The following TMC2 variants were observed in gnomAD, a reference collection of about 807,000 sequenced individuals.
The protein encoded by TMC2 is transmembrane channel-like protein 2.
A neutral mutation model predicts 105.9 loss-of-function variants in TMC2; 102 were observed. That is an observed-to-expected ratio of 0.96 (90% CI 0.82 to 1.14). The LOEUF (loss-of-function observed/expected upper bound fraction) is 1.14, where lower values mean the gene tolerates loss of function less well. Ranked by LOEUF, TMC2 falls within the 50% of genes most tolerant of loss-of-function variation. TMC2 has a pLI of 0.00. For missense variants in TMC2, 1,093 were observed against 1,134.3 expected, an observed-to-expected ratio of 0.96 and a Z score of 0.52; for synonymous variants, 402 against 422.8, an observed-to-expected ratio of 0.95 and a Z score of 0.60.
Position 2,617,133 on chromosome 20 carries a change from AT to A in TMC2, c.2003del (p.Met668SerfsTer8). On this transcript the variant is annotated frameshift_variant, in exon 16 of 20. Coordinates refer to ENST00000358864, the MANE Select transcript of TMC2 (RefSeq NM_080751.3). LOFTEE classifies it high-confidence loss of function. ...GINVLRLLTS[M>X]YFQCWAVMSS... ...TAATGTGCTGCGCCTGCTGACCTCC[AT>A]GTACTTCCAGTGCTGGGCGGTGATG... 6.2e-7 allele frequency: 1 copy of A among 1,614,082 alleles called. No homozygotes were observed. The highest frequency in any genetic ancestry group is 1.6e-4 in the Middle Eastern group (1 of 6,062).
intron 2 of TMC2, among the ~76,000 whole-genome samples, chr20:2,552,423 A>C (rs1322082407): frequency 6.6e-6 from 1 of 152,198 alleles, no homozygotes; most frequent in Non-Finnish European, 1.5e-5. Flanking sequence ...TCATTTATTT[A>C]AGTCTTTGAG....
intron 10 of TMC2, among the ~76,000 whole-genome samples, chr20:2,599,606 AT>A (rs1489031993): frequency 3.9e-5 from 5 of 129,842 alleles, no homozygotes; most frequent in Non-Finnish European, 6.3e-5. Context: ...GCCCAGTTAA[AT>A]TTTTCTATTT....
intron 2 of TMC2, among the ~76,000 whole-genome samples, chr20:2,543,903 G>GATT (rs3051735): frequency 0.013 from 1,824 of 144,186 alleles, 66 homozygotes; most frequent in African/African-American, 0.034. Context: ...CTGCATGTCA[G>GATT]TTTTTTTTTT....
At chr20:2,542,026 A>T (rs6106931) in intron 2 of TMC2, among the ~76,000 whole-genome samples, 82,849 of 151,916 alleles carry the variant, frequency 0.55, 22,685 homozygotes, top group South Asian at 0.58. Context: ...TGATTAAAAA[A>T]TTTTCTTATT....
At chr20:2,585,172 G>A (rs1382336486) in intron 7 of TMC2, among the ~76,000 whole-genome samples, 3 of 152,038 alleles carry the variant, frequency 2.0e-5, no homozygotes, top group African/African-American at 4.8e-5. Context: ...TGCTGAAATG[G>A]AATTGAAAAT....
At chr20:2,543,362 G>T (rs2122796619) in intron 2 of TMC2, among the ~76,000 whole-genome samples, 1 of 152,338 alleles carries the variant, frequency 6.6e-6, no homozygotes, top group Admixed American at 6.5e-5. Context: ...CAAAGCTTTG[G>T]CAGTATCTTA....
chr20:2,617,150 G>A lies in TMC2; in HGVS notation c.2019G>A (p.Trp673Ter), dbSNP rs760535510. ...TGACCTCCATGTACTTCCAGTGCTG[G>A]GCGGTGATGAGCAGCAACGTACCCC... is the stretch of plus-strand genomic sequence containing the variant. The part of the protein sequence containing the change: ...RLLTSMYFQC[W>*]AVMSSNVPHE... Residue 673 changes from tryptophan (W) to a stop codon, truncating the protein, a stop_gained, in exon 16 of 20, where the codon TGG becomes TGA. Transcript: ENST00000358864. LOFTEE classifies it high-confidence loss of function. 6.2e-7 allele frequency: 1 copy of A among 1,614,202 alleles called. No individual in the cohort carries two copies. The highest frequency in any genetic ancestry group is 8.5e-7 in the Non-Finnish European group (1 of 1,180,044).
chr20:2,548,546 G>T (rs1391649655), intron 2 of TMC2, among the ~76,000 whole-genome samples: 1 of 151,886 alleles, frequency 6.6e-6, no homozygotes, highest in African/African-American at 2.4e-5. Context: ...GCTGAGGCAG[G>T]AGAATTGCTT....
At chr20:2,590,703 A>C (rs2086262687) in intron 7 of TMC2, among the ~76,000 whole-genome samples, 2 of 152,102 alleles carry the variant, frequency 1.3e-5, no homozygotes, top group African/African-American at 4.8e-5. Flanking sequence ...TCGTACAAAA[A>C]AAATACAAAG....
At position 2,580,657 on chromosome 20, in the gene TMC2, A is replaced by G. The variant is rs542729393; in HGVS notation, c.834+601A>G. On this transcript the variant is annotated intron_variant, in intron 7 of 19. Coordinates refer to ENST00000358864, the MANE Select transcript of TMC2 (RefSeq NM_080751.3). ...GAGGGCAGTGATGTGATCGTGGTTC[A>G]GTGCAGCCTTGAACTCCTGGGCTCA... Among the ~76,000 whole-genome samples, 3 of 152,286 alleles carry G rather than the reference A, an allele frequency of 2.0e-5. No individual in the cohort carries two copies. The East Asian group carries it at 5.8e-4, about 29-fold the overall frequency.
intron 11 of TMC2, among the ~76,000 whole-genome samples, chr20:2,604,932 G>A (rs990340612): frequency 5.3e-5 from 8 of 152,274 alleles, no homozygotes; most frequent in Admixed American, 5.2e-4. Context: ...TAATTAAATT[G>A]TTTTCCTGAA....
chr20:2,626,817 G>A (rs1050862041), intron 17 of TMC2, among the ~76,000 whole-genome samples: 8 of 152,158 alleles, frequency 5.3e-5, no homozygotes, highest in African/African-American at 1.4e-4. Flanking sequence ...GGGACTGAAC[G>A]AAGTAGGACG....
intron 2 of TMC2, among the ~76,000 whole-genome samples, chr20:2,541,552 A>G (rs2085889772): frequency 6.6e-6 from 1 of 151,896 alleles, no homozygotes; most frequent in African/African-American, 2.4e-5. Context: ...GAGGCACAAG[A>G]ATCTCTTGAA....
At chr20:2,582,744 G>A (rs935665379) in intron 7 of TMC2, among the ~76,000 whole-genome samples, 6 of 152,160 alleles carry the variant, frequency 3.9e-5, no homozygotes, top group Non-Finnish European at 7.3e-5. Context: ...CCAAAGTGTT[G>A]GGATTACAGG....
chr20:2,562,126 G>A, intron 4 of TMC2, 116 bp downstream of exon 4: 2 of 1,287,506 alleles, frequency 1.6e-6, no homozygotes, highest in Non-Finnish European at 2.1e-6. Context: ...GGCTGCTCCA[G>A]CGAGGACAGC....
chr20:2,580,018 C>A lies in TMC2; in HGVS notation c.796C>A (p.Leu266Ile). 6.2e-7 allele frequency: 1 copy of A among 1,613,778 alleles called. No individual in the cohort carries two copies. The highest frequency in any genetic ancestry group is 8.5e-7 in the Non-Finnish European group (1 of 1,179,826). ...ATGGATGTATGGAGTTAACCTTGTCCTTTTTGGCTTAATATTTGGTCTAGT... is the reference window on the plus strand; with the variant it reads ...ATGGATGTATGGAGTTAACCTTGTCATTTTTGGCTTAATATTTGGTCTAGT... Reference protein sequence around the residue: ...LRWMYGVNLVLFGLIFGLVII... With the variant: ...LRWMYGVNLVIFGLIFGLVII... The change falls in exon 7 of 20, where the codon CTT (leucine) becomes ATT (isoleucine). Residue 266 changes from leucine (L) to isoleucine (I), a missense_variant. Leu to Ile is a conservative substitution (Grantham distance 5). Transcript: ENST00000358864.
At chr20:2,569,726 T>A (rs1420080677) in intron 4 of TMC2, among the ~76,000 whole-genome samples, 1 of 152,234 alleles carries the variant, frequency 6.6e-6, no homozygotes, top group Non-Finnish European at 1.5e-5. Context: ...ATGGCATGGC[T>A]GGATTCTCTG....
intron 11 of TMC2, 100 bp downstream of exon 11, chr20:2,602,401 G>C: frequency 3.3e-6 from 3 of 910,072 alleles, no homozygotes; most frequent in Non-Finnish European, 4.7e-6. Context: ...TGGATTATAG[G>C]CTTGTTTTAA....
chr20:2,600,630 G>A lies in TMC2; in HGVS notation c.1225-1483G>A, dbSNP rs148249554. On this transcript the variant is annotated intron_variant, in intron 10 of 19. Coordinates refer to ENST00000358864, the MANE Select transcript of TMC2 (RefSeq NM_080751.3). ...GAGGTCAAGAGATCGAGACCATCCT[G>A]GCTAATACAGTGAAACCCTGTCTCT... 1.6e-3 allele frequency among the ~76,000 whole-genome samples: 246 copies of A among 152,258 alleles called. 7 individuals are homozygous for A. The East Asian group carries it at 0.044, about 27-fold the overall frequency.
Sources: gnomAD v4.1 joint callset for allele counts (sites outside exome capture counted in the v4.1 genomes callset) on GRCh38, gnomAD v4.1.1 for gene constraint, MANE v1.5 for transcripts, NCBI Gene and HGNC (gene_info 2026-07-23, HGNC 2026-07-21) for gene names.